ASTN1: variants seen among roughly 807,000 people sequenced by gnomAD.
The protein encoded by ASTN1 is astrotactin-1.
In ASTN1, 41 loss-of-function variants were observed where a neutral mutation model predicts 140.7. The observed-to-expected ratio is 0.29, with a 90% CI of 0.23 to 0.38. ASTN1 has a LOEUF of 0.38. Among genes scored for constraint, ASTN1 ranks in the 10% least tolerant of loss-of-function variants. The pLI, the probability that ASTN1 is intolerant of heterozygous loss-of-function variation, is 1.00. For synonymous variants in ASTN1, 640 were observed against 652.2 expected (o/e 0.98, Z 0.29); for missense variants, 1,479 against 1,678.8 (o/e 0.88, Z 2.08).
At chr1:176,899,397 G>A (rs894821270) in intron 16 of ASTN1, among the ~76,000 whole-genome samples, 1 of 152,200 alleles carries the variant, frequency 6.6e-6, no homozygotes, top group African/African-American at 2.4e-5. Flanking sequence ...GACAGGCCAT[G>A]AGGTGAATTA....
chr1:177,137,260 G>C (rs1008158291), intron 1 of ASTN1, among the ~76,000 whole-genome samples: 3 of 152,172 alleles, frequency 2.0e-5, no homozygotes, highest in African/African-American at 7.2e-5. Flanking sequence ...GATCAAGACA[G>C]ACACATGACT....
At chr1:177,162,424 G>A (rs1647434975) in intron 1 of ASTN1, among the ~76,000 whole-genome samples, 1 of 152,168 alleles carries the variant, frequency 6.6e-6, no homozygotes, top group Non-Finnish European at 1.5e-5. Flanking sequence ...GTGTGCCTGT[G>A]TGTAAATGCC....
intron 1 of ASTN1, among the ~76,000 whole-genome samples, chr1:177,116,485 C>T (rs1321084189): frequency 6.6e-6 from 1 of 152,134 alleles, no homozygotes; most frequent in Non-Finnish European, 1.5e-5. Context: ...CGTAAACATA[C>T]ACCCATTCAT....
chr1:177,118,055 A>G (rs190219391), intron 1 of ASTN1, among the ~76,000 whole-genome samples: 11 of 152,302 alleles, frequency 7.2e-5, no homozygotes, highest in Middle Eastern at 3.4e-3. Context: ...GCTTTGTATC[A>G]TATTTATTTA....
chr1:176,861,265 TA>T lies in ASTN1; in HGVS notation c.*3018del, dbSNP rs1667950023. On this transcript the variant is annotated 3_prime_UTR_variant, in exon 23 of 23. Transcript: ENST00000361833. ...TTGAATATCAAGAAGTGTAGTTAAC[TA>T]AAAAATAATGAACGGACCAAACTCC... 1.0e-6 allele frequency: 1 copy of T among 984,974 alleles called. No homozygotes were observed. The highest frequency in any genetic ancestry group is 1.2e-6 in the Non-Finnish European group (1 of 829,250). The allele number at this position is 984,974 out of a possible 1,614,324, so 61.0% of individuals were successfully genotyped here.
intron 1 of ASTN1, among the ~76,000 whole-genome samples, chr1:177,138,082 C>T (rs1682284471): frequency 2.6e-5 from 4 of 152,094 alleles, no homozygotes; most frequent in Admixed American, 2.6e-4. Flanking sequence ...CCAAAACAAG[C>T]TCCAGACCTG....
At chr1:176,931,629 A>G (rs936928815) in intron 16 of ASTN1, among the ~76,000 whole-genome samples, 2 of 152,224 alleles carry the variant, frequency 1.3e-5, no homozygotes, top group African/African-American at 4.8e-5. Flanking sequence ...GATCTGGCCC[A>G]AAACACTCAT....
At chr1:176,869,835 G>A (rs1288511528) in intron 21 of ASTN1, among the ~76,000 whole-genome samples, 2 of 152,192 alleles carry the variant, frequency 1.3e-5, no homozygotes, top group African/African-American at 2.4e-5. Flanking sequence ...CAGAGATGAA[G>A]TGAGGCACTG....
rs1179458977 is a variant in ASTN1 at position 176,894,568 on chromosome 1, G to A, written c.2934C>T (p.Thr978=). 1.9e-6 allele frequency: 3 copies of A among 1,613,764 alleles called. No individual in the cohort carries two copies. The highest frequency in any genetic ancestry group is 2.5e-6 in the Non-Finnish European group (3 of 1,180,006). Residue 978 remains threonine (T), a synonymous_variant, in exon 17 of 23, where the codon ACC becomes ACT. Transcript: ENST00000361833. ...PIYELVTNNQ[T]QRLLQEATMS... ...AGAGTCCCAGGCCTCTTACCCTCTG[G>A]GTCTGGTTGTTGGTCACTAGTTCAT...
intron 16 of ASTN1, among the ~76,000 whole-genome samples, chr1:176,923,443 ATGT>A (rs774083887): frequency 2.0e-5 from 3 of 152,132 alleles, no homozygotes; most frequent in Non-Finnish European, 4.4e-5. Context: ...TTCCCTCAAC[ATGT>A]TGCCTTAGAG....
At chr1:177,160,895 G>C (rs1470069243) in intron 1 of ASTN1, among the ~76,000 whole-genome samples, 1 of 152,202 alleles carries the variant, frequency 6.6e-6, no homozygotes, top group East Asian at 1.9e-4. Flanking sequence ...TGCCAGGTAA[G>C]TACTACGAAG....
chr1:176,864,612 A>G (rs974846515), intron 22 of ASTN1, 91 bp from the exon 23 acceptor site: 1 of 1,523,808 alleles, frequency 6.6e-7, no homozygotes, highest in Non-Finnish European at 8.8e-7. Context: ...CTAAACTTCA[A>G]GAGGGAAGAG....
intron 16 of ASTN1, among the ~76,000 whole-genome samples, chr1:176,908,812 G>A (rs766980967): frequency 4.6e-5 from 7 of 151,980 alleles, no homozygotes; most frequent in Non-Finnish European, 7.4e-5. Context: ...AGGTATAAAC[G>A]TGTGATTAAT....
At chr1:177,064,447 C>T (rs1678249402) in intron 1 of ASTN1, among the ~76,000 whole-genome samples, 1 of 152,204 alleles carries the variant, frequency 6.6e-6, no homozygotes, top group Admixed American at 6.5e-5. Flanking sequence ...TACCTATTAG[C>T]AGTCCAAGGC....
intron 8 of ASTN1, among the ~76,000 whole-genome samples, chr1:176,991,405 C>A (rs911566223): frequency 7.8e-6 from 1 of 127,788 alleles, no homozygotes; most frequent in East Asian, 2.3e-4. Context: ...AAACGCTAAA[C>A]TCTGTCTCAA....
intron 16 of ASTN1, among the ~76,000 whole-genome samples, chr1:176,926,283 C>A: frequency 1.6e-5 from 1 of 62,364 alleles, no homozygotes; most frequent in African/African-American, 7.0e-5. Context: ...AGCAAAGTGC[C>A]TGCTCAAAAA....
intron 2 of ASTN1, among the ~76,000 whole-genome samples, chr1:177,057,275 G>T (rs957976885): frequency 2.0e-4 from 31 of 152,292 alleles, no homozygotes; most frequent in African/African-American, 7.5e-4. Context: ...CTTTCTGCAA[G>T]CCCACAATTT....
intron 16 of ASTN1, among the ~76,000 whole-genome samples, chr1:176,913,955 G>C (rs189616070): frequency 1.5e-3 from 230 of 152,264 alleles, no homozygotes; most frequent in African/African-American, 5.3e-3. Context: ...AAACAATTTA[G>C]CTAATGACTT....
At chr1:176,857,600 C>T (rs1667851281), downstream of ASTN1, 2 of 609,494 alleles carry the variant, frequency 3.3e-6, no homozygotes, top group African/African-American at 1.9e-5. Context: ...CGTCTTCTTC[C>T]TTTCCTCCAA....
Sources: allele counts gnomAD v4.1 joint callset (sites outside exome capture counted in the v4.1 genomes callset), GRCh38; gene constraint gnomAD v4.1.1; transcripts MANE v1.5; gene names NCBI Gene and HGNC (gene_info 2026-07-23, HGNC 2026-07-21).